Variants in BCAS3 observed in about 807,000 individuals in gnomAD.
BCAS3 encodes BCAS4/BCAS3 fusion.
Under a neutral mutation model 116.1 loss-of-function variants are expected in BCAS3, and 53 were observed. The observed-to-expected ratio is 0.46, with a 90% CI of 0.37 to 0.57. The LOEUF (loss-of-function observed/expected upper bound fraction) is 0.57, where lower values mean the gene tolerates loss of function less well. Among genes scored for constraint, BCAS3 ranks in the 20% least tolerant of loss-of-function variants. BCAS3 has a pLI of 0.00. For synonymous variants in BCAS3, 391 were observed against 408.2 expected (o/e 0.96, Z 0.51); for missense variants, 917 against 1,165.4 (o/e 0.79, Z 3.10).
chr17:61,038,044 ACT>A lies in BCAS3; in HGVS notation c.1921_1922del (p.Leu641GlyfsTer2). 6.2e-7 allele frequency: 1 copy of A among 1,613,740 alleles called. No homozygotes were observed. The highest frequency in any genetic ancestry group is 8.5e-7 in the Non-Finnish European group (1 of 1,179,876). ...GATGACATCGCCTCGAGCCAGCTGGACTCTGGTTAGGTAGTACCTCTTTTCTT... is the reference window on the plus strand; with the variant it reads ...GATGACATCGCCTCGAGCCAGCTGGACTGGTTAGGTAGTACCTCTTTTCTT... ...EMMTSPRASWTLVRTPQWNEL... is the reference protein window; with the variant it reads ...EMMTSPRASWXLVRTPQWNEL... On this transcript the variant is annotated frameshift_variant, in exon 18 of 24. Transcript: ENST00000407086. LOFTEE classifies it high-confidence loss of function.
At position 61,226,034 on chromosome 17, in the gene BCAS3, G is replaced by C. The variant is rs543373448; in HGVS notation, c.2425+141470G>C. Among the ~76,000 whole-genome samples the C allele has an allele frequency of 6.6e-6, 1 of 152,188 alleles. No individual in the cohort carries two copies. The highest frequency in any genetic ancestry group is 1.5e-5 in the Non-Finnish European group (1 of 68,010). Reference sequence around the variant, plus strand: ...CCCTGTCATCTGCTAATTCCAATTTGATACTGTTCTGTGTTCAAAAATACA... The same window carrying C: ...CCCTGTCATCTGCTAATTCCAATTTCATACTGTTCTGTGTTCAAAAATACA... On this transcript the variant is annotated intron_variant, in intron 22 of 23. Coordinates refer to ENST00000407086, the MANE Select transcript of BCAS3 (RefSeq NM_017679.5). This position sits in a 1 kb window ranked among gnomAD's most constrained non-coding sequence, Gnocchi z 6.0.
At chr17:61,266,143 C>T (rs1408031959) in intron 22 of BCAS3, among the ~76,000 whole-genome samples, 4 of 152,198 alleles carry the variant, frequency 2.6e-5, no homozygotes, top group Non-Finnish European at 4.4e-5. Flanking sequence ...TAACGAGCAA[C>T]TGAATACTTT....
chr17:61,318,161 T>A (rs1176738184), intron 22 of BCAS3, among the ~76,000 whole-genome samples: 1 of 152,198 alleles, frequency 6.6e-6, no homozygotes, highest in African/African-American at 2.4e-5. Context: ...GGGAGGCGAC[T>A]AGAACACACC....
rs1178782044 is a variant in BCAS3 at position 61,300,667 on chromosome 17, ACT to A, written c.2426-67655_2426-67654del. Among the ~76,000 whole-genome samples, 2 of 152,148 alleles carry A rather than the reference ACT, an allele frequency of 1.3e-5. No individual in the cohort carries two copies. Among genetic ancestry groups the A allele is most frequent in the Non-Finnish European group, 2.9e-5 (2 of 68,020 alleles). On this transcript the variant is annotated intron_variant, in intron 22 of 23. Transcript: ENST00000407086. This position sits in a 1 kb window ranked among gnomAD's most constrained non-coding sequence, Gnocchi z 5.1. ...AGAGAAGAAATGTACAAAATGTGGA[ACT>A]CTCTGCATTAGCTGAAAATAGGGAA...
At chr17:60,874,564 T>C in intron 8 of BCAS3, 98 bp from the exon 9 acceptor site, 1 of 767,160 alleles carries the variant, frequency 1.3e-6, no homozygotes, top group South Asian at 1.8e-5. Context: ...TAGTAGGCAC[T>C]TGTTTTCATC....
chr17:61,155,025 A>G (rs1421397923), intron 22 of BCAS3, among the ~76,000 whole-genome samples: 2 of 151,952 alleles, frequency 1.3e-5, no homozygotes, highest in Admixed American at 6.6e-5. Flanking sequence ...TGGAAAAGTG[A>G]TCAACAAACA....
Position 60,709,328 on chromosome 17 carries a change from A to G in BCAS3, c.321+3A>G. 1 of 1,539,988 alleles carries G rather than the reference A, an allele frequency of 6.5e-7. No individual in the cohort carries two copies. On this transcript the variant is annotated splice_donor_region_variant and intron_variant, in intron 5 of 23. Transcript: ENST00000407086. ...GAATGCAGGTCTGGAGCATCCCTGT[A>G]AGTACACATGTGGTTGAATACCTAA...
At chr17:60,696,830 G>A (rs1041673645) in intron 4 of BCAS3, among the ~76,000 whole-genome samples, 3 of 152,042 alleles carry the variant, frequency 2.0e-5, no homozygotes, top group Admixed American at 6.6e-5. Flanking sequence ...TTTGCAAAGG[G>A]GACCCTCTAG....
chr17:60,958,452 T>C (rs1413722337), intron 14 of BCAS3, among the ~76,000 whole-genome samples: 1 of 152,184 alleles, frequency 6.6e-6, no homozygotes. Flanking sequence ...CAACAATGAA[T>C]TGATCATTTA....
At chr17:60,706,253 G>A (rs979521562) in intron 4 of BCAS3, among the ~76,000 whole-genome samples, 3 of 151,774 alleles carry the variant, frequency 2.0e-5, no homozygotes, top group Non-Finnish European at 2.9e-5. Context: ...TAGTAGAGAT[G>A]GGGTTTCACC....
intron 6 of BCAS3, among the ~76,000 whole-genome samples, chr17:60,761,211 A>G (rs1360448171): frequency 6.6e-6 from 1 of 151,926 alleles, no homozygotes; most frequent in Non-Finnish European, 1.5e-5. Context: ...CTGGGATTTT[A>G]TGAATTTTTT....
At chr17:60,791,862 C>T (rs2046793376) in intron 6 of BCAS3, among the ~76,000 whole-genome samples, 1 of 152,070 alleles carries the variant, frequency 6.6e-6, no homozygotes, top group South Asian at 2.1e-4. Flanking sequence ...CAGTGGCTCA[C>T]GCTTGTAATC....
At chr17:61,267,158 C>T (rs535665566) in intron 22 of BCAS3, among the ~76,000 whole-genome samples, 7 of 152,060 alleles carry the variant, frequency 4.6e-5, no homozygotes, top group South Asian at 4.2e-4. Context: ...CCCGGGTTCA[C>T]GCCATTCTCC....
chr17:61,075,732 C>T (rs986865644), intron 20 of BCAS3, among the ~76,000 whole-genome samples: 1 of 152,118 alleles, frequency 6.6e-6, no homozygotes, highest in Non-Finnish European at 1.5e-5. Context: ...TTTTGTGGAG[C>T]CAACATTTTC....
chr17:60,821,888 C>T (rs180836701), intron 7 of BCAS3: 1 of 152,234 alleles, frequency 6.6e-6, no homozygotes, highest in East Asian at 1.9e-4. Context: ...GTTGCCCAGG[C>T]TGGTCTTAAA....
At chr17:60,681,740 A>T (rs946206046) in intron 2 of BCAS3, among the ~76,000 whole-genome samples, 6 of 132,814 alleles carry the variant, frequency 4.5e-5, no homozygotes, top group Admixed American at 7.5e-5. Context: ...ATATATATAT[A>T]TTTTTTGAGA....
intron 22 of BCAS3, among the ~76,000 whole-genome samples, chr17:61,089,170 A>G (rs2073325485): frequency 1.3e-5 from 2 of 152,160 alleles, no homozygotes; most frequent in African/African-American, 4.8e-5. Context: ...TTGAGCACCT[A>G]ATTTTCTCCA....
At chr17:60,681,275 G>A (rs1230419489) in intron 2 of BCAS3, among the ~76,000 whole-genome samples, 7 of 152,052 alleles carry the variant, frequency 4.6e-5, no homozygotes, top group African/African-American at 9.6e-5. Flanking sequence ...TGAGGTGGGC[G>A]GATCACCTGA....
In BCAS3 at chr17:61,229,068, A is replaced by G. The variant is rs1056076086; in HGVS notation, c.2426-139259A>G. Among the ~76,000 whole-genome samples, 2 of 152,204 alleles carry G rather than the reference A, an allele frequency of 1.3e-5. No homozygotes were observed. The highest frequency in any genetic ancestry group is 1.3e-4 in the Admixed American group (2 of 15,284). The stretch of plus-strand genomic sequence containing the variant: ...GATGGAGAAAGTTTTAGTTGTCTGG[A>G]TGGCAGATAAAACCAACCACAACAT... On this transcript the variant is annotated intron_variant, in intron 22 of 23. Coordinates refer to ENST00000407086, the MANE Select transcript of BCAS3 (RefSeq NM_017679.5). This position sits in a 1 kb window ranked among gnomAD's most constrained non-coding sequence, Gnocchi z 4.4.
Sources: gnomAD v4.1 joint callset for allele counts (sites outside exome capture counted in the v4.1 genomes callset) on GRCh38, gnomAD v4.1.1 for gene constraint, Gnocchi (gnomAD v3.1) non-coding constraint, MANE v1.5 for transcripts, NCBI Gene and HGNC (gene_info 2026-07-23, HGNC 2026-07-21) for gene names.